MMP26: variants seen among roughly 807,000 people sequenced by gnomAD.
The protein encoded by MMP26 is matrix metallopeptidase 26.
MMP26 carries 33 observed loss-of-function variants against 31.0 expected under a neutral mutation model. The observed-to-expected ratio is 1.06, with a 90% CI of 0.81 to 1.42. The LOEUF is 1.42. MMP26 is among the 40% of genes most tolerant of loss of function. The probability of loss-of-function intolerance (pLI) is 0.00; values close to 1 mark genes in which losing one functional copy is unlikely to be tolerated. For missense variants in MMP26, 347 were observed against 316.1 expected (o/e 1.10, Z -0.74); for synonymous variants, 122 against 114.9 (o/e 1.06, Z -0.40).
Position 4,926,489 on chromosome 11 carries a change from G to A in MMP26, c.-144-61579G>A, listed in dbSNP as rs141258306. ...CAATAAAAGAGAAATTCAAGTAAAAGTTTAAATATATGTATGACTTTTCAG... is the reference window on the plus strand; with the variant it reads ...CAATAAAAGAGAAATTCAAGTAAAAATTTAAATATATGTATGACTTTTCAG... On this transcript the variant is annotated intron_variant, in intron 2 of 7. Coordinates refer to ENST00000380390, the MANE Select transcript of MMP26 (RefSeq NM_021801.5). Among the ~76,000 whole-genome samples, 17 of 152,216 alleles carry A rather than the reference G, an allele frequency of 1.1e-4. No individual in the cohort carries two copies. The East Asian group carries it at 1.5e-3, about 14-fold the overall frequency.
At chr11:4,720,062 T>G (rs1413255550) in intron 1 of MMP26, among the ~76,000 whole-genome samples, 1 of 152,198 alleles carries the variant, frequency 6.6e-6, no homozygotes, top group Non-Finnish European at 1.5e-5. Flanking sequence ...ATTTTTACTT[T>G]CCTTTGCCTC....
chr11:4,804,103 T>C (rs1414724751), intron 2 of MMP26: 1 of 1,613,972 alleles, frequency 6.2e-7, no homozygotes, highest in East Asian at 2.2e-5. Context: ...CTGAATCTCA[T>C]GAGCATGAAA....
chr11:4,898,918 A>T (rs576361248), intron 2 of MMP26, among the ~76,000 whole-genome samples: 23 of 150,766 alleles, frequency 1.5e-4, no homozygotes, highest in Middle Eastern at 3.4e-3. Context: ...AGGAAGCTTT[A>T]TTAGTTAGAA....
intron 1 of MMP26, among the ~76,000 whole-genome samples, chr11:4,730,863 C>G (rs1418877333): frequency 6.6e-6 from 1 of 152,194 alleles, no homozygotes; most frequent in Non-Finnish European, 1.5e-5. Context: ...GCTGGGACAT[C>G]TCTTCCACAG....
intron 2 of MMP26, among the ~76,000 whole-genome samples, chr11:4,925,216 G>C (rs1307224719): frequency 6.6e-6 from 1 of 152,160 alleles, no homozygotes; most frequent in Non-Finnish European, 1.5e-5. Flanking sequence ...GAGCAAGTAA[G>C]TGTTGGGGAT....
intron 2 of MMP26, among the ~76,000 whole-genome samples, chr11:4,934,962 T>C (rs1851412277): frequency 6.6e-6 from 1 of 151,788 alleles, no homozygotes; most frequent in South Asian, 2.1e-4. Context: ...AGTACCATGC[T>C]GTTTTGGTTA....
rs940211477 is a variant in MMP26, at chr11:4,915,931, T to C, written c.-144-72137T>C. ...GCCAAACTGGGTGAGTTGGAGATTC[T>C]AAATGAGCCGCTCCACCCTTTTTGC... On this transcript the variant is annotated intron_variant, in intron 2 of 7. Transcript: ENST00000380390. 1.8e-4 allele frequency among the ~76,000 whole-genome samples: 28 copies of C among 152,254 alleles called. 1 individual carries two copies. Among genetic ancestry groups the C allele is most frequent in the Admixed American group, 1.6e-3 (25 of 15,290 alleles).
chr11:4,789,530 C>CTTTTTTTTTTTTTTTTTTTTTTTTTT (rs71050429), intron 2 of MMP26, among the ~76,000 whole-genome samples: 2 of 65,942 alleles, frequency 3.0e-5, no homozygotes, highest in African/African-American at 1.1e-4. Flanking sequence ...TATCCCCCCA[C>CTTTTTTTTTTTTTTTTTTTTTTTTTT]TTTTTTTTTT....
At chr11:4,860,925 C>A (rs1850144772) in intron 2 of MMP26, among the ~76,000 whole-genome samples, 1 of 151,890 alleles carries the variant, frequency 6.6e-6, no homozygotes. Context: ...ATCTTAATAA[C>A]ATAGAGCATA....
At chr11:4,901,249 C>G (rs71480739) in intron 2 of MMP26, among the ~76,000 whole-genome samples, 12,692 of 150,572 alleles carry the variant, frequency 0.084, 665 homozygotes, top group Non-Finnish European at 0.12. Flanking sequence ...AGCTCTGCCC[C>G]CCGGGGTTCA....
chr11:4,814,164 C>A (rs141578339), intron 2 of MMP26, among the ~76,000 whole-genome samples: 266 of 152,184 alleles, frequency 1.7e-3, no homozygotes, highest in African/African-American at 5.8e-3. Flanking sequence ...AAATGAGGAG[C>A]AATTGGAGCA....
chr11:4,935,042 T>C (rs551523901), intron 2 of MMP26, among the ~76,000 whole-genome samples: 4 of 151,876 alleles, frequency 2.6e-5, no homozygotes, highest in Non-Finnish European at 4.4e-5. Context: ...TGGCTTAGGA[T>C]TGACTTGGCA....
intron 2 of MMP26, among the ~76,000 whole-genome samples, chr11:4,791,104 C>G (rs1055966255): frequency 4.6e-5 from 7 of 152,056 alleles, no homozygotes; most frequent in Non-Finnish European, 7.4e-5. Flanking sequence ...TGTGCCAAGC[C>G]CTGATAAATC....
chr11:4,987,389 TTTG>T (rs1297025574), intron 2 of MMP26, among the ~76,000 whole-genome samples: 1 of 151,478 alleles, frequency 6.6e-6, no homozygotes, highest in Non-Finnish European at 1.5e-5. Context: ...GGAGATTTTT[TTTG>T]TTTTGTTTTT....
intron 1 of MMP26, among the ~76,000 whole-genome samples, chr11:4,717,669 G>GT (rs5789338): frequency 4.6e-5 from 7 of 151,814 alleles, no homozygotes; most frequent in Non-Finnish European, 7.4e-5. Context: ...CATTTGGTAA[G>GT]TTTTTTACCA....
At chr11:4,899,375 T>C (rs541243793) in intron 2 of MMP26, among the ~76,000 whole-genome samples, 2 of 152,300 alleles carry the variant, frequency 1.3e-5, no homozygotes, top group South Asian at 2.1e-4. Flanking sequence ...CATACATCAC[T>C]TAAGCTGTTC....
At chr11:4,780,073 C>A (rs193228889) in intron 2 of MMP26, among the ~76,000 whole-genome samples, 1 of 152,084 alleles carries the variant, frequency 6.6e-6, no homozygotes, top group Non-Finnish European at 1.5e-5. Context: ...GGGTATACAT[C>A]AACTTATTAG....
chr11:4,848,830 A>G, intron 2 of MMP26: 11 of 1,614,180 alleles, frequency 6.8e-6, no homozygotes, highest in South Asian at 1.1e-5. Flanking sequence ...CGATCAATGG[A>G]CATGGCGAGC....
intron 2 of MMP26, among the ~76,000 whole-genome samples, chr11:4,816,268 C>T (rs1304778536): frequency 6.6e-6 from 1 of 152,110 alleles, no homozygotes; most frequent in Non-Finnish European, 1.5e-5. Flanking sequence ...TTAGTTAAGA[C>T]TCGTTCTGTG....
Sources: allele counts gnomAD v4.1 joint callset (sites outside exome capture counted in the v4.1 genomes callset), GRCh38; gene constraint gnomAD v4.1.1; transcripts MANE v1.5; gene names NCBI Gene and HGNC (gene_info 2026-07-23, HGNC 2026-07-21).